Variants in TRAPPC9 observed in about 807,000 individuals in gnomAD.
TRAPPC9 encodes trafficking protein particle complex subunit 9, also known as IKK2 binding protein.
In TRAPPC9, 83 loss-of-function variants were observed where a neutral mutation model predicts 124.0. The ratio of observed to expected loss-of-function variants is 0.67; its 90% CI spans 0.56 to 0.80. The LOEUF is 0.80. Among genes scored for constraint, TRAPPC9 ranks in the 30% least tolerant of loss-of-function variants. The probability of loss-of-function intolerance (pLI) is 0.00; values close to 1 mark genes in which losing one functional copy is unlikely to be tolerated. For missense variants in TRAPPC9, 1,302 were observed against 1,508.3 expected, an observed-to-expected ratio of 0.86 and a Z score of 2.27; for synonymous variants, 638 against 617.5, an observed-to-expected ratio of 1.03 and a Z score of -0.49.
At chr8:139,950,312 T>A (rs549456011) in intron 19 of TRAPPC9, among the ~76,000 whole-genome samples, 47 of 152,374 alleles carry the variant, frequency 3.1e-4, no homozygotes, top group African/African-American at 1.1e-3. Context: ...GAGCTCAGGC[T>A]TTTTATCGCT....
At chr8:140,356,344 G>T (rs549316735) in intron 9 of TRAPPC9, among the ~76,000 whole-genome samples, 2 of 152,270 alleles carry the variant, frequency 1.3e-5, no homozygotes, top group Admixed American at 1.3e-4. Context: ...TCTCAGTGCC[G>T]TCATCAAAAT....
intron 19 of TRAPPC9, among the ~76,000 whole-genome samples, chr8:139,935,810 A>G (rs1833476614): frequency 6.6e-6 from 1 of 152,184 alleles, no homozygotes; most frequent in Non-Finnish European, 1.5e-5. Flanking sequence ...ACAATTTAAC[A>G]CAACTTCAGA....
chr8:140,001,258 G>A (rs924896878), intron 18 of TRAPPC9, among the ~76,000 whole-genome samples: 6 of 152,174 alleles, frequency 3.9e-5, no homozygotes, highest in South Asian at 4.2e-4. Flanking sequence ...GAGGGGCTGC[G>A]GGGATAGCAT....
chr8:140,087,570 G>A lies in TRAPPC9; in HGVS notation c.2557-63491C>T, dbSNP rs1844279125. On this transcript the variant is annotated intron_variant, in intron 17 of 22. Coordinates refer to ENST00000438773, the MANE Select transcript of TRAPPC9 (RefSeq NM_001160372.4). The surrounding 1 kb of genome is among the most constrained non-coding windows in gnomAD (Gnocchi z 4.6). Reference sequence around the variant, plus strand: ...CAGTAAATAAAACAACCACCGTCCAGCTGCTCAGGCCAAAACCTTAAAAGA... The same window carrying A: ...CAGTAAATAAAACAACCACCGTCCAACTGCTCAGGCCAAAACCTTAAAAGA... Among the ~76,000 whole-genome samples, 1 of 152,136 alleles carries A rather than the reference G, an allele frequency of 6.6e-6. No individual in the cohort carries two copies. The highest frequency in any genetic ancestry group is 1.5e-5 in the Non-Finnish European group (1 of 68,032).
At chr8:140,094,468 G>A (rs1844793170) in intron 17 of TRAPPC9, among the ~76,000 whole-genome samples, 1 of 152,140 alleles carries the variant, frequency 6.6e-6, no homozygotes, top group African/African-American at 2.4e-5. Context: ...ACCACCCAGA[G>A]GCTGCCAAAG....
At chr8:140,133,373 T>C (rs563051378) in intron 17 of TRAPPC9, among the ~76,000 whole-genome samples, 2 of 152,108 alleles carry the variant, frequency 1.3e-5, no homozygotes, top group East Asian at 3.9e-4. Context: ...CGATAAAACA[T>C]AAAAATCCAA....
intron 17 of TRAPPC9, chr8:140,100,566 C>A (rs1262780839): frequency 6.5e-6 from 1 of 152,702 alleles, no homozygotes; most frequent in South Asian, 2.1e-4. Flanking sequence ...AGCGTAAACA[C>A]CCCTGGTCGT....
intron 21 of TRAPPC9, among the ~76,000 whole-genome samples, chr8:139,761,950 A>G (rs1820259593): frequency 6.6e-6 from 1 of 151,678 alleles, no homozygotes; most frequent in South Asian, 2.1e-4. Context: ...TTCTTGACAG[A>G]GAGAAACAGA....
chr8:140,242,412 G>A (rs1037577177), intron 16 of TRAPPC9, among the ~76,000 whole-genome samples: 3 of 152,180 alleles, frequency 2.0e-5, no homozygotes, highest in Middle Eastern at 3.2e-3. Context: ...AAGAACGGAT[G>A]GAACTCCAGC....
At chr8:140,301,229 C>T (rs186986909) in intron 10 of TRAPPC9, among the ~76,000 whole-genome samples, 45 of 152,364 alleles carry the variant, frequency 3.0e-4, no homozygotes, top group Admixed American at 1.2e-3. Flanking sequence ...TATCTGTCAT[C>T]GCTTCCCACA....
intron 7 of TRAPPC9, among the ~76,000 whole-genome samples, chr8:140,396,132 C>T (rs1025965371): frequency 5.1e-5 from 7 of 136,258 alleles, no homozygotes; most frequent in African/African-American, 2.8e-5. Context: ...GATGTTAAGA[C>T]CTTGCCTTTT....
chr8:139,728,998 T>C lies in TRAPPC9; in HGVS notation c.*2063A>G, dbSNP rs1357978660. Among the ~76,000 whole-genome samples, 3 of 152,258 alleles carry C rather than the reference T, an allele frequency of 2.0e-5. No individual in the cohort carries two copies. The highest frequency in any genetic ancestry group is 4.4e-5 in the Non-Finnish European group (3 of 68,048). On this transcript the variant is annotated 3_prime_UTR_variant, in exon 23 of 23. Coordinates refer to ENST00000438773, the MANE Select transcript of TRAPPC9 (RefSeq NM_001160372.4). ...GCTTTTCTAGGCTTCTATATGCATCTATATCTAATCTGGATCTGTGGCTGG... is the reference window on the plus strand; with the variant it reads ...GCTTTTCTAGGCTTCTATATGCATCCATATCTAATCTGGATCTGTGGCTGG...
At position 139,732,146 on chromosome 8, in the gene TRAPPC9, C is replaced by A; in HGVS notation, c.3112G>T (p.Gly1038Cys). The A allele has an allele frequency of 6.2e-7, 1 of 1,604,792 alleles. No individual in the cohort carries two copies. Among genetic ancestry groups the A allele is most frequent in the Non-Finnish European group, 8.5e-7 (1 of 1,177,192 alleles). Reference sequence around the variant, plus strand: ...CGCACCTCCAGGCGCACGGGGTCGCCCACCTGGCAGGCCGCCACAGCCTCG... The same window carrying A: ...CGCACCTCCAGGCGCACGGGGTCGCACACCTGGCAGGCCGCCACAGCCTCG... ...DREAVAACQV[G>C]DPVRLEVRLT... Residue 1038 changes from glycine to cysteine, a missense_variant, in exon 22 of 23, where the codon GGC becomes TGC. By Grantham distance (159) the Gly-to-Cys change is radical (BLOSUM62 -3). Transcript: ENST00000438773.
intron 21 of TRAPPC9, 71 bp from the exon 22 acceptor site, chr8:139,732,273 G>C (rs752062408): frequency 2.9e-6 from 4 of 1,365,766 alleles, no homozygotes; most frequent in Non-Finnish European, 3.9e-6. Context: ...CCACCCACTC[G>C]CTGATTCATT....
intron 15 of TRAPPC9, chr8:140,262,727 T>G (rs2064469691): frequency 6.6e-6 from 1 of 152,214 alleles, no homozygotes; most frequent in South Asian, 2.1e-4. Flanking sequence ...GTTCATGCAT[T>G]ATTCATGTGC....
chr8:139,799,162 G>A (rs983530033), intron 21 of TRAPPC9, among the ~76,000 whole-genome samples: 3 of 152,116 alleles, frequency 2.0e-5, no homozygotes, highest in Non-Finnish European at 4.4e-5. Flanking sequence ...ATAGGATCCT[G>A]CGGGTAGATC....
At chr8:139,768,337 C>T (rs934447731) in intron 21 of TRAPPC9, among the ~76,000 whole-genome samples, 3 of 152,242 alleles carry the variant, frequency 2.0e-5, no homozygotes, top group African/African-American at 7.2e-5. Context: ...AATATGACAG[C>T]TGTGACCCTA....
chr8:139,880,075 A>T (rs12542431), intron 21 of TRAPPC9, among the ~76,000 whole-genome samples: 87,604 of 151,986 alleles, frequency 0.58, 26,492 homozygotes, highest in East Asian at 0.73. Flanking sequence ...ATATACACAG[A>T]TATATAAATG....
At chr8:139,762,155 C>T (rs1820279234) in intron 21 of TRAPPC9, among the ~76,000 whole-genome samples, 2 of 151,706 alleles carry the variant, frequency 1.3e-5, no homozygotes, top group Admixed American at 1.3e-4. Context: ...TGGGAGAAGG[C>T]CAGCTTTCAG....
Sources: allele counts gnomAD v4.1 joint callset (sites outside exome capture counted in the v4.1 genomes callset), GRCh38; gene constraint gnomAD v4.1.1; non-coding constraint Gnocchi (gnomAD v3.1); transcripts MANE v1.5; gene names NCBI Gene and HGNC (gene_info 2026-07-23, HGNC 2026-07-21).